Variants in CDHR2 observed in about 807,000 individuals in gnomAD.
The protein encoded by CDHR2 is cadherin related family member 2, also known as cadherin-related family member 2.
In CDHR2, 104 loss-of-function variants were observed where a neutral mutation model predicts 138.6. The ratio of observed to expected loss-of-function variants is 0.75; its 90% CI spans 0.64 to 0.88. The LOEUF is 0.88. Ranked by LOEUF, CDHR2 falls within the 40% of genes least tolerant of loss-of-function variation. CDHR2 has a pLI of 0.00. For synonymous variants in CDHR2, 755 were observed against 742.8 expected (o/e 1.02, Z -0.27); for missense variants, 1,624 against 1,727.6 (o/e 0.94, Z 1.06).
intron 1 of CDHR2, among the ~76,000 whole-genome samples, chr5:176,554,377 GGAA>G (rs1581129698): frequency 6.6e-6 from 1 of 152,222 alleles, no homozygotes; most frequent in East Asian, 1.9e-4. Context: ...CCCCACGGAA[GGAA>G]GAAGGTTTGC....
chr5:176,561,887 G>T (rs2113272036), intron 1 of CDHR2, among the ~76,000 whole-genome samples: 1 of 152,270 alleles, frequency 6.6e-6, no homozygotes, highest in Non-Finnish European at 1.5e-5. Flanking sequence ...TGATCCACCT[G>T]CCTTGGCCTC....
At position 176,577,978 on chromosome 5, in the gene CDHR2, G is replaced by A. The variant is rs1758436113; in HGVS notation, c.1513-56G>A. 12 of 1,556,484 alleles carry A rather than the reference G, an allele frequency of 7.7e-6. No individual in the cohort carries two copies. In the South Asian group the frequency reaches 1.3e-4, roughly 17 times the overall value. On this transcript the variant is annotated intron_variant, in intron 14 of 31. Transcript: ENST00000261944. ...CAGCTCTGTCCCCACGAGCTGCATG[G>A]GTGGCGGTGCGTGCATCGCCTCCAC... is the stretch of plus-strand genomic sequence containing the variant.
Position 176,578,020 on chromosome 5 carries a change from T to C in CDHR2, c.1513-14T>C. The stretch of plus-strand genomic sequence containing the variant: ...CGCCTCCACACAGCACCCTGCCATG[T>C]CTCTGCCTCACAGGCCACGGACCCA... On this transcript the variant is annotated splice_polypyrimidine_tract_variant and intron_variant, in intron 14 of 31. Coordinates refer to ENST00000261944, the MANE Select transcript of CDHR2 (RefSeq NM_017675.6). The C allele has an allele frequency of 6.2e-7, 1 of 1,607,408 alleles. No homozygotes were observed. The highest frequency in any genetic ancestry group is 1.1e-5 in the South Asian group (1 of 90,442).
chr5:176,586,724 C>G, intron 20 of CDHR2, 69 bp from the exon 21 acceptor site: 1 of 1,441,664 alleles, frequency 6.9e-7, no homozygotes, highest in East Asian at 2.4e-5. Context: ...GAGCTGGGCT[C>G]GTGACCAGCC....
At position 176,577,911 on chromosome 5, in the gene CDHR2, C is replaced by G. The variant is rs1052357214; in HGVS notation, c.1512+113C>G. ...GAGATGGGGGTGGCCATGAGTGAATCTGAGTGTGCTGGGGATTCTCCCTTT... is the reference window on the plus strand; with the variant it reads ...GAGATGGGGGTGGCCATGAGTGAATGTGAGTGTGCTGGGGATTCTCCCTTT... On this transcript the variant is annotated intron_variant, in intron 14 of 31. Coordinates refer to ENST00000261944, the MANE Select transcript of CDHR2 (RefSeq NM_017675.6). 3 of 1,476,056 alleles carry G rather than the reference C, an allele frequency of 2.0e-6. No homozygotes were observed. In the African/African-American group the frequency reaches 4.2e-5, roughly 20 times the overall value. 91.4% of individuals were successfully genotyped at this position (1,476,056 alleles called of 1,614,324 possible). A position where few individuals can be genotyped will look rare whatever the true frequency, so the allele number is the denominator to read the frequency against.
intron 1 of CDHR2, among the ~76,000 whole-genome samples, chr5:176,563,581 T>G (rs1758017090): frequency 6.6e-6 from 1 of 152,220 alleles, no homozygotes. Flanking sequence ...AGGTCCTGTT[T>G]ATAATTTGGC....
intron 16 of CDHR2, among the ~76,000 whole-genome samples, chr5:176,579,275 T>G (rs1758473553): frequency 1.3e-5 from 2 of 152,224 alleles, no homozygotes; most frequent in South Asian, 4.1e-4. Context: ...TTTCCAGGAC[T>G]GTGTAGTTTC....
intron 1 of CDHR2, among the ~76,000 whole-genome samples, chr5:176,549,864 T>G (rs1757666354): frequency 6.6e-6 from 1 of 152,182 alleles, no homozygotes; most frequent in Admixed American, 6.5e-5. Flanking sequence ...CGTTTCCTCA[T>G]TTATCAAATG....
Position 176,586,035 on chromosome 5 carries a change from A to G in CDHR2, c.2806+10A>G. 1 of 1,611,832 alleles carries G rather than the reference A, an allele frequency of 6.2e-7. No homozygotes were observed. The highest frequency in any genetic ancestry group is 8.5e-7 in the Non-Finnish European group (1 of 1,177,964). ...GAGAATAAGACTTTTGGTAAGCAGCAACCCCATTCACACACCATACCCCTG... is the reference window on the plus strand; with the variant it reads ...GAGAATAAGACTTTTGGTAAGCAGCGACCCCATTCACACACCATACCCCTG... On this transcript the variant is annotated intron_variant, in intron 20 of 31. Coordinates refer to ENST00000261944, the MANE Select transcript of CDHR2 (RefSeq NM_017675.6).
Position 176,576,220 on chromosome 5 carries a change from C to T in CDHR2, c.1194+35C>T, listed in dbSNP as rs777402197. 1.5e-5 allele frequency: 17 copies of T among 1,164,184 alleles called. No homozygotes were observed. In the African/African-American group the frequency reaches 2.4e-4, roughly 17 times the overall value. The allele number at this position is 1,164,184 out of a possible 1,614,324, so 72.1% of individuals were successfully genotyped here. A position where few individuals can be genotyped will look rare whatever the true frequency, so the allele number is the denominator to read the frequency against. On this transcript the variant is annotated intron_variant, in intron 12 of 31. Coordinates refer to ENST00000261944, the MANE Select transcript of CDHR2 (RefSeq NM_017675.6). The surrounding 1 kb of genome is among the most constrained non-coding windows in gnomAD (Gnocchi z 4.5). ...GTGGCGTGGGTGTGGGCGGGGGTGG[C>T]TGGGGGAGGCCAGTGGGAGCCTGGA...
chr5:176,558,419 T>C (rs1757891553), intron 1 of CDHR2, among the ~76,000 whole-genome samples: 2 of 146,748 alleles, frequency 1.4e-5, no homozygotes, highest in African/African-American at 2.5e-5. Context: ...GTTTCCCTCT[T>C]GTCGCCCAGG....
At position 176,575,527 on chromosome 5, in the gene CDHR2, G is replaced by A; in HGVS notation, c.790G>A (p.Glu264Lys). The A allele has an allele frequency of 6.2e-7, 1 of 1,614,188 alleles. No individual in the cohort carries two copies. Among genetic ancestry groups the A allele is most frequent in the Non-Finnish European group, 8.5e-7 (1 of 1,180,032 alleles). Residue 264 changes from glutamate to lysine, a missense_variant, in exon 10 of 32, where the codon GAG becomes AAG. Transcript: ENST00000261944. ...CCAGGGAACCTCGGTGCTGACGGTG[G>A]AGGCTGTGGATGGCGACAAAGGCAT... Reference protein sequence around the residue: ...AAKGTSVLTVEAVDGDKGIND... With the variant: ...AAKGTSVLTVKAVDGDKGIND...
intron 19 of CDHR2, 61 bp downstream of exon 19, chr5:176,585,076 C>T (rs1473296182): frequency 8.8e-6 from 13 of 1,474,144 alleles, no homozygotes; most frequent in Admixed American, 2.2e-5. Context: ...CGGGAAGGAG[C>T]CCTGGGCTGG....
chr5:176,589,933 A>T, intron 24 of CDHR2, 145 bp from the exon 25 acceptor site: 1 of 729,178 alleles, frequency 1.4e-6, no homozygotes. Flanking sequence ...TGTAATTTTC[A>T]CAGAGATGCT....
At position 176,586,041 on chromosome 5, in the gene CDHR2, A is replaced by G; in HGVS notation, c.2806+16A>G. 1 of 1,608,048 alleles carries G rather than the reference A, an allele frequency of 6.2e-7. No homozygotes were observed. The highest frequency in any genetic ancestry group is 8.5e-7 in the Non-Finnish European group (1 of 1,174,576). ...AAGACTTTTGGTAAGCAGCAACCCC[A>G]TTCACACACCATACCCCTGCTCCAT... On this transcript the variant is annotated intron_variant, in intron 20 of 31. Transcript: ENST00000261944.
chr5:176,551,936 G>A (rs923212134), intron 1 of CDHR2, among the ~76,000 whole-genome samples: 1 of 151,416 alleles, frequency 6.6e-6, no homozygotes, highest in Non-Finnish European at 1.5e-5. Context: ...GGATGGTCTC[G>A]ATCTCCTGAC....
At chr5:176,593,478 C>T (rs368235585) in intron 31 of CDHR2, among the ~76,000 whole-genome samples, 10 of 152,184 alleles carry the variant, frequency 6.6e-5, no homozygotes, top group Admixed American at 3.3e-4. Flanking sequence ...ACCGCTGGAG[C>T]GGGTCAGCAG....
In CDHR2 at chr5:176,575,083, G is replaced by C; in HGVS notation, c.496-1G>C. On this transcript the variant is annotated splice_acceptor_variant, in intron 7 of 31. Coordinates refer to ENST00000261944, the MANE Select transcript of CDHR2 (RefSeq NM_017675.6). LOFTEE classifies it high-confidence loss of function. ...CCTGACCCAAGTCTGCTCTGCCCCA[G>C]GTCATCCCTAGCACTGGGGACAGCG... is the stretch of plus-strand genomic sequence containing the variant. 6.2e-7 allele frequency: 1 copy of C among 1,614,066 alleles called. No individual in the cohort carries two copies.
chr5:176,588,609 ATG>A (rs1352441918), intron 21 of CDHR2, among the ~76,000 whole-genome samples: 1 of 126,200 alleles, frequency 7.9e-6, no homozygotes, highest in Non-Finnish European at 1.7e-5. Flanking sequence ...GTGTGTGCAT[ATG>A]TGTGTAAGTG....
Sources: allele counts gnomAD v4.1 joint callset (sites outside exome capture counted in the v4.1 genomes callset), GRCh38; gene constraint gnomAD v4.1.1; non-coding constraint Gnocchi (gnomAD v3.1); transcripts MANE v1.5; gene names NCBI Gene and HGNC (gene_info 2026-07-23, HGNC 2026-07-21).